The following CRACDL variants were observed in gnomAD, a reference collection of about 807,000 sequenced individuals.
CRACDL encodes CRACD-like protein.
Under a neutral mutation model 70.6 loss-of-function variants are expected in CRACDL, and 26 were observed. The ratio of observed to expected loss-of-function variants is 0.37; its 90% CI spans 0.27 to 0.51. CRACDL has a LOEUF of 0.51. CRACDL is among the 20% of genes least tolerant of loss of function. The pLI, the probability that CRACDL is intolerant of heterozygous loss-of-function variation, is 0.94. For missense variants in CRACDL, 1,283 were observed against 1,376.9 expected, an observed-to-expected ratio of 0.93 and a Z score of 1.08; for synonymous variants, 618 against 615.2, an observed-to-expected ratio of 1.00 and a Z score of -0.07.
intron 7 of CRACDL, among the ~76,000 whole-genome samples, chr2:98,811,199 T>TC (rs1451379957): frequency 1.3e-4 from 20 of 151,890 alleles, no homozygotes; most frequent in Non-Finnish European, 1.6e-4. Flanking sequence ...GAGGCCACTA[T>TC]CCCTTTTTTT....
In CRACDL at chr2:98,796,183, C is replaced by G; in HGVS notation, c.2686G>C (p.Gly896Arg). 1 of 1,614,100 alleles carries G rather than the reference C, an allele frequency of 6.2e-7. No individual in the cohort carries two copies. The highest frequency in any genetic ancestry group is 8.5e-7 in the Non-Finnish European group (1 of 1,179,932). Reference protein sequence around the residue: ...PVKPAVDRKQGAKLNFKEGLQ... With the variant: ...PVKPAVDRKQRAKLNFKEGLQ... ...CCCTCCTTGAAGTTGAGCTTTGCCC[C>G]CTGCTTCCGGTCCACAGCGGGCTTC... The change falls in exon 9 of 10, where the codon GGG becomes CGG. Residue 896 changes from glycine to arginine, a missense_variant. Physicochemically the swap from Gly to Arg is moderately radical, Grantham distance 125. Coordinates refer to ENST00000397899, the MANE Select transcript of CRACDL (RefSeq NM_207362.3).
intron 1 of CRACDL, among the ~76,000 whole-genome samples, chr2:98,899,275 A>G (rs1175979865): frequency 1.3e-5 from 2 of 152,240 alleles, no homozygotes; most frequent in African/African-American, 4.8e-5. Context: ...AAGAGCTCTT[A>G]ACCTCAGACG....
intron 7 of CRACDL, among the ~76,000 whole-genome samples, chr2:98,820,130 A>G (rs1704965045): frequency 6.6e-6 from 1 of 151,972 alleles, no homozygotes; most frequent in African/African-American, 2.4e-5. Flanking sequence ...AACATTTTTA[A>G]AAAACAAAAT....
chr2:98,904,445 C>G (rs191317121), intron 1 of CRACDL, among the ~76,000 whole-genome samples: 1 of 152,344 alleles, frequency 6.6e-6, no homozygotes, highest in Non-Finnish European at 1.5e-5. Flanking sequence ...TGAGCCACCA[C>G]ATATGGGAAT....
chr2:98,832,554 G>A (rs779650865), intron 4 of CRACDL, 42 bp from the exon 5 acceptor site: 2 of 1,491,804 alleles, frequency 1.3e-6, no homozygotes, highest in South Asian at 1.3e-5. Flanking sequence ...TTTCATCAAT[G>A]ATATTTATCA....
intron 2 of CRACDL, among the ~76,000 whole-genome samples, 175 bp from the exon 3 acceptor site, chr2:98,838,462 C>A (rs563625154): frequency 6.6e-6 from 1 of 152,200 alleles, no homozygotes; most frequent in South Asian, 2.1e-4. Context: ...GTTTTGCATA[C>A]CTGAAAACAC....
intron 1 of CRACDL, among the ~76,000 whole-genome samples, chr2:98,918,539 CAAAAAAAAAAAAAAAAA>C (rs58312556): frequency 1.5e-5 from 1 of 66,358 alleles, no homozygotes; most frequent in African/African-American, 5.4e-5. Context: ...TGTTGTCTAC[CAAAAAAAAAAAAAAAAA>C]AAAAAAAAAA....
intron 1 of CRACDL, among the ~76,000 whole-genome samples, chr2:98,935,004 G>C (rs1481620697): frequency 2.6e-5 from 4 of 152,268 alleles, no homozygotes; most frequent in African/African-American, 7.2e-5. Flanking sequence ...ACCTCAATAG[G>C]TTCTTAGGAT....
intron 7 of CRACDL, among the ~76,000 whole-genome samples, chr2:98,801,142 T>C (rs1048191497): frequency 2.0e-5 from 3 of 152,246 alleles, no homozygotes; most frequent in Non-Finnish European, 4.4e-5. Flanking sequence ...TCTTTCCTTT[T>C]ATTCTGTATT....
intron 1 of CRACDL, among the ~76,000 whole-genome samples, chr2:98,915,186 G>A (rs563320663): frequency 5.3e-5 from 8 of 152,336 alleles, no homozygotes; most frequent in Admixed American, 1.3e-4. Flanking sequence ...AGGACATCAC[G>A]TGCCAGACCT....
chr2:98,854,030 T>A (rs571933418), intron 1 of CRACDL, among the ~76,000 whole-genome samples: 1 of 152,198 alleles, frequency 6.6e-6, no homozygotes, highest in South Asian at 2.1e-4. Context: ...ACACCTGTAA[T>A]ACCAGCACTT....
chr2:98,927,627 C>T (rs1010041243), intron 1 of CRACDL, among the ~76,000 whole-genome samples: 2 of 151,948 alleles, frequency 1.3e-5, no homozygotes, highest in African/African-American at 2.4e-5. Context: ...CAGACAAAAG[C>T]GCAAAAAATA....
intron 1 of CRACDL, among the ~76,000 whole-genome samples, chr2:98,891,243 G>C (rs1464883454): frequency 6.6e-6 from 1 of 151,704 alleles, no homozygotes; most frequent in Non-Finnish European, 1.5e-5. Flanking sequence ...CAGGCATGGT[G>C]GTGGTCACCT....
Position 98,863,027 on chromosome 2 carries a change from G to A in CRACDL, c.-10-16217C>T, listed in dbSNP as rs182802466. Reference sequence around the variant, plus strand: ...TACATACACACACATATGTTTATGTGTGTGTATGTATAAAACATCCATTTA... The same window carrying A: ...TACATACACACACATATGTTTATGTATGTGTATGTATAAAACATCCATTTA... On this transcript the variant is annotated intron_variant, in intron 1 of 9. Coordinates refer to ENST00000397899, the MANE Select transcript of CRACDL (RefSeq NM_207362.3). Among the ~76,000 whole-genome samples the A allele has an allele frequency of 3.3e-5, 5 of 151,746 alleles. No homozygotes were observed. The East Asian group carries it at 9.7e-4, about 29-fold the overall frequency.
chr2:98,806,444 G>C (rs1455365689), intron 7 of CRACDL, among the ~76,000 whole-genome samples: 1 of 152,250 alleles, frequency 6.6e-6, no homozygotes. Flanking sequence ...GGCATGTCAA[G>C]GTTGGCAGAC....
At position 98,832,441 on chromosome 2, in the gene CRACDL, C is replaced by T. The variant is rs371616749; in HGVS notation, c.447G>A (p.Glu149=). ...PPGGLPAKRG[E]DAGMSSEDDG... ...CGTCCTCAGAGCTCATGCCGGCATC[C>T]TCTCCCCGCTTGGCAGGAAGCCCCC... is the stretch of plus-strand genomic sequence containing the variant. The change falls in exon 5 of 10, where the codon GAG becomes GAA. Residue 149 remains glutamate, a synonymous_variant. Transcript: ENST00000397899. 9 of 1,614,054 alleles carry T rather than the reference C, an allele frequency of 5.6e-6. No homozygotes were observed. The highest frequency in any genetic ancestry group is 1.3e-5 in the African/African-American group (1 of 75,068).
intron 2 of CRACDL, among the ~76,000 whole-genome samples, chr2:98,838,732 A>C (rs1184212861): frequency 6.6e-6 from 1 of 152,230 alleles, no homozygotes; most frequent in Non-Finnish European, 1.5e-5. Flanking sequence ...CATCAAGGAC[A>C]ATCAGAGGAG....
At chr2:98,876,155 C>G (rs1707483925) in intron 1 of CRACDL, among the ~76,000 whole-genome samples, 1 of 152,200 alleles carries the variant, frequency 6.6e-6, no homozygotes, top group Admixed American at 6.5e-5. Context: ...TTATTGAGAA[C>G]AAATAGTATG....
At chr2:98,851,494 T>C (rs1484618988) in intron 1 of CRACDL, among the ~76,000 whole-genome samples, 1 of 152,198 alleles carries the variant, frequency 6.6e-6, no homozygotes, top group Non-Finnish European at 1.5e-5. Context: ...AGGTCAGCGT[T>C]AGGGAAGACA....
Sources: allele counts gnomAD v4.1 joint callset (sites outside exome capture counted in the v4.1 genomes callset), GRCh38; gene constraint gnomAD v4.1.1; transcripts MANE v1.5; gene names NCBI Gene and HGNC (gene_info 2026-07-23, HGNC 2026-07-21).